Variants in PARD3B observed in about 807,000 individuals in gnomAD.
PARD3B encodes the protein par-3 family cell polarity regulator beta.
A neutral mutation model predicts 130.2 loss-of-function variants in PARD3B; 103 were observed. That is an observed-to-expected ratio of 0.79 (90% confidence interval 0.67 to 0.93). The LOEUF is 0.93. Among genes scored for constraint, PARD3B ranks in the 40% least tolerant of loss-of-function variants. PARD3B has a pLI of 0.00. For missense variants in PARD3B, 1,609 were observed against 1,499.2 expected (o/e 1.07, Z -1.21); for synonymous variants, 583 against 553.2 (o/e 1.05, Z -0.76).
At chr2:205,554,026 T>C (rs1010039885) in intron 22 of PARD3B, among the ~76,000 whole-genome samples, 3 of 152,152 alleles carry the variant, frequency 2.0e-5, no homozygotes, top group African/African-American at 7.2e-5. Flanking sequence ...ACTTGTGCTG[T>C]TATTGGTGAG....
At position 205,128,905 on chromosome 2, in the gene PARD3B, A is replaced by T. The variant is rs942801178; in HGVS notation, c.1434+3168A>T. Among the ~76,000 whole-genome samples the T allele has an allele frequency of 6.6e-6, 1 of 152,160 alleles. No individual in the cohort carries two copies. The highest frequency in any genetic ancestry group is 1.9e-4 in the East Asian group (1 of 5,182). On this transcript the variant is annotated intron_variant, in intron 10 of 22. Transcript: ENST00000406610. The surrounding 1 kb of genome is among the most constrained non-coding windows in gnomAD (Gnocchi z 4.5). ...TCAAATTGATAAGGGAGGCAGCTGT[A>T]TGTGTTATTTCACTCTCATTTAATG... is the stretch of plus-strand genomic sequence containing the variant.
intron 22 of PARD3B, among the ~76,000 whole-genome samples, chr2:205,566,276 A>G (rs1406996328): frequency 6.6e-6 from 1 of 152,218 alleles, no homozygotes; most frequent in Non-Finnish European, 1.5e-5. Flanking sequence ...ATGTTTGTCT[A>G]GCTGCAAGGT....
chr2:205,032,694 C>T (rs1333299001), intron 3 of PARD3B, among the ~76,000 whole-genome samples: 1 of 152,066 alleles, frequency 6.6e-6, no homozygotes, highest in East Asian at 1.9e-4. Context: ...TGGCCCTTTC[C>T]TGTTACACAG....
At position 205,245,759 on chromosome 2, in the gene PARD3B, T is replaced by C. The variant is rs79181574; in HGVS notation, c.2141-19T>C. The C allele has an allele frequency of 6.3e-7, 1 of 1,580,852 alleles. No individual in the cohort carries two copies. The highest frequency in any genetic ancestry group is 1.1e-5 in the South Asian group (1 of 88,690). ...TACAAGCCGGTCTGATCCTTGTCTC[T>C]TTTATTTCTTCTCCTCAGTGCCAGA... On this transcript the variant is annotated intron_variant, in intron 15 of 22. Transcript: ENST00000406610.
intron 22 of PARD3B, among the ~76,000 whole-genome samples, chr2:205,601,130 A>G (rs918938944): frequency 3.3e-5 from 5 of 152,114 alleles, no homozygotes; most frequent in Admixed American, 2.6e-4. Context: ...CAGTGTGAAA[A>G]CGTTGCTTTT....
intron 3 of PARD3B, among the ~76,000 whole-genome samples, chr2:204,988,435 A>G (rs562423079): frequency 1.3e-5 from 2 of 152,310 alleles, no homozygotes; most frequent in African/African-American, 2.4e-5. Flanking sequence ...GACACACAAC[A>G]TGGTGACTAT....
intron 18 of PARD3B, among the ~76,000 whole-genome samples, chr2:205,380,754 A>G (rs866160296): frequency 1.9e-5 from 2 of 104,466 alleles, no homozygotes; most frequent in Non-Finnish European, 3.4e-5. Flanking sequence ...TATATACTAT[A>G]TATAAAGAAT....
intron 1 of PARD3B, among the ~76,000 whole-genome samples, chr2:204,567,839 A>G (rs1273931987): frequency 6.6e-6 from 1 of 152,168 alleles, no homozygotes; most frequent in Admixed American, 6.5e-5. Context: ...TCAGTGAGCA[A>G]AGGTTTCAAT....
At chr2:204,599,812 T>C (rs570382136) in intron 1 of PARD3B, among the ~76,000 whole-genome samples, 2 of 151,918 alleles carry the variant, frequency 1.3e-5, no homozygotes, top group African/African-American at 4.8e-5. Flanking sequence ...CAACAGTGTA[T>C]AAGTGTTCCT....
In PARD3B at chr2:204,828,140, C is replaced by T. The variant is rs553860417; in HGVS notation, c.223-137012C>T. Among the ~76,000 whole-genome samples, 20 of 152,242 alleles carry T rather than the reference C, an allele frequency of 1.3e-4. No individual in the cohort carries two copies. In the South Asian group the frequency reaches 1.7e-3, roughly 13 times the overall value. ...TTGTTGAATAGGTATCTACTGAGCA[C>T]GTATTGGGAGCCATGCCTTATTTCT... On this transcript the variant is annotated intron_variant, in intron 2 of 22. Coordinates refer to ENST00000406610, the MANE Select transcript of PARD3B (RefSeq NM_001302769.2).
At chr2:205,490,263 C>A (rs1469441127) in intron 20 of PARD3B, among the ~76,000 whole-genome samples, 1 of 151,612 alleles carries the variant, frequency 6.6e-6, no homozygotes. Context: ...TCCCTCCCCA[C>A]TCCCCCCACC....
In PARD3B at chr2:205,552,437, C is replaced by G. The variant is rs141045260; in HGVS notation, c.3181-887C>G. On this transcript the variant is annotated intron_variant, in intron 21 of 22. Transcript: ENST00000406610. ...TTATTTATTTATTTTGAGACAAAGT[C>G]TCACTATGTCAGCCAAACTGGAGTG... 1.3e-3 allele frequency among the ~76,000 whole-genome samples: 201 copies of G among 152,238 alleles called. 4 individuals carry two copies. In the East Asian group the frequency reaches 0.028, roughly 22 times the overall value.
chr2:205,469,891 CT>C (rs1439422411), intron 20 of PARD3B, among the ~76,000 whole-genome samples: 1 of 152,232 alleles, frequency 6.6e-6, no homozygotes, highest in Non-Finnish European at 1.5e-5. Context: ...CTCAACCATG[CT>C]GACTACGCAT....
intron 7 of PARD3B, among the ~76,000 whole-genome samples, chr2:205,119,299 C>T (rs939399792): frequency 2.6e-5 from 4 of 152,062 alleles, no homozygotes; most frequent in Non-Finnish European, 4.4e-5. Context: ...TTTACTGGGG[C>T]GTCGTTGAAC....
At chr2:205,114,380 G>C (rs1168277064) in intron 6 of PARD3B, among the ~76,000 whole-genome samples, 1 of 152,008 alleles carries the variant, frequency 6.6e-6, no homozygotes, top group Non-Finnish European at 1.5e-5. Context: ...TATTGACAAG[G>C]GTTGTCAGAA....
At chr2:205,545,294 T>C (rs1006880639) in intron 21 of PARD3B, among the ~76,000 whole-genome samples, 3 of 152,234 alleles carry the variant, frequency 2.0e-5, no homozygotes, top group African/African-American at 7.2e-5. Context: ...TAGAAGATGC[T>C]GAAAGCCAAG....
chr2:204,780,665 CAGTGATCTTAT>C (rs1220262864), intron 2 of PARD3B, among the ~76,000 whole-genome samples: 2 of 151,996 alleles, frequency 1.3e-5, no homozygotes, highest in Non-Finnish European at 2.9e-5. Flanking sequence ...CCATTTGGTA[CAGTGATCTTAT>C]AGTGCATAGA....
intron 20 of PARD3B, among the ~76,000 whole-genome samples, chr2:205,441,944 C>G (rs2047729739): frequency 6.6e-6 from 1 of 152,146 alleles, no homozygotes; most frequent in African/African-American, 2.4e-5. Flanking sequence ...AACTAAACTG[C>G]TAATTCAAAG....
chr2:205,130,013 C>T (rs947335680), intron 10 of PARD3B, among the ~76,000 whole-genome samples: 4 of 152,080 alleles, frequency 2.6e-5, no homozygotes, highest in African/African-American at 4.8e-5. Context: ...TGGGGCAGAC[C>T]GGGTTGAAAA....
Sources: gnomAD v4.1 joint callset for allele counts (sites outside exome capture counted in the v4.1 genomes callset) on GRCh38, gnomAD v4.1.1 for gene constraint, Gnocchi (gnomAD v3.1) non-coding constraint, MANE v1.5 for transcripts, NCBI Gene and HGNC (gene_info 2026-07-23, HGNC 2026-07-21) for gene names.